GLB1: variants seen among roughly 807,000 people sequenced by gnomAD.
GLB1 encodes galactosidase beta 1.
Under a neutral mutation model 74.0 loss-of-function variants are expected in GLB1, and 56 were observed. That is an observed-to-expected ratio of 0.76 (90% CI 0.61 to 0.94). GLB1 has a LOEUF of 0.94. GLB1 is among the 40% of genes least tolerant of loss of function. The pLI is 0.00. For missense variants in GLB1, 787 were observed against 845.5 expected (o/e 0.93, Z 0.86); for synonymous variants, 323 against 323.6 (o/e 1.00, Z 0.02).
At chr3:33,033,350 G>A (rs1462945735) in intron 10 of GLB1, among the ~76,000 whole-genome samples, 1 of 152,176 alleles carries the variant, frequency 6.6e-6, no homozygotes, top group Non-Finnish European at 1.5e-5. Flanking sequence ...GTAATAAAAT[G>A]TGAAGCTTTT....
intron 1 of GLB1, among the ~76,000 whole-genome samples, chr3:33,082,508 C>T (rs753892065): frequency 1.3e-5 from 2 of 152,140 alleles, no homozygotes; most frequent in Non-Finnish European, 2.9e-5. Flanking sequence ...TCAAATTGCC[C>T]GTGAGCCTCT....
intron 1 of GLB1, among the ~76,000 whole-genome samples, chr3:33,088,368 T>TACACACACACACAC (rs55949952): frequency 2.1e-5 from 3 of 141,720 alleles, no homozygotes; most frequent in Admixed American, 7.0e-5. Context: ...CCCTAAAGAC[T>TACACACACACACAC]ACACACACAC....
At chr3:32,976,618 G>A in the GLB1 span, among the ~76,000 whole-genome samples, 7 of 152,122 alleles carry the variant, frequency 4.6e-5, no homozygotes, top group East Asian at 3.8e-4. Flanking sequence ...ACTCTTCTCC[G>A]GGAAGCTCCC....
At chr3:33,032,402 C>T (rs560471405) in intron 10 of GLB1, among the ~76,000 whole-genome samples, 122 of 152,232 alleles carry the variant, frequency 8.0e-4, no homozygotes, top group Non-Finnish European at 2.5e-4. Flanking sequence ...ACTTGCTTCC[C>T]CTGTCCCTGC....
chr3:32,994,495 A>G (rs1696272081), downstream of GLB1, among the ~76,000 whole-genome samples: 1 of 152,238 alleles, frequency 6.6e-6, no homozygotes, highest in South Asian at 2.1e-4. Context: ...AGAGAAATCA[A>G]GAATGACTGA....
intron 12 of GLB1, 26 bp downstream of exon 12, chr3:33,021,540 G>A (rs1697483959): frequency 1.2e-6 from 2 of 1,609,436 alleles, no homozygotes; most frequent in African/African-American, 2.7e-5. Context: ...TAGAAAAAAG[G>A]CGAGGCATTA....
At chr3:32,996,268 A>G (rs1027950980), downstream of GLB1, among the ~76,000 whole-genome samples, 10 of 152,240 alleles carry the variant, frequency 6.6e-5, no homozygotes, top group Admixed American at 1.3e-4. Context: ...GCACATACAC[A>G]GCACACACAC....
intron 12 of GLB1, 61 bp from the exon 13 acceptor site, chr3:33,018,622 T>C: frequency 6.4e-7 from 1 of 1,556,854 alleles, no homozygotes; most frequent in Non-Finnish European, 8.8e-7. Flanking sequence ...GAGAACTTGG[T>C]TACCCTAGAC....
chr3:33,091,058 T>A (rs768404814), intron 1 of GLB1: 9 of 985,054 alleles, frequency 9.1e-6, no homozygotes, highest in Non-Finnish European at 1.1e-5. Context: ...CATCAAACAG[T>A]GGAAGTGAAA....
intron 10 of GLB1, among the ~76,000 whole-genome samples, chr3:33,041,099 A>C (rs1290311681): frequency 6.6e-6 from 1 of 152,232 alleles, no homozygotes; most frequent in Non-Finnish European, 1.5e-5. Flanking sequence ...TGAAGACATA[A>C]TGGCATAAAC....
downstream of GLB1, among the ~76,000 whole-genome samples, chr3:32,993,644 C>T (rs13074199): frequency 0.22 from 33,204 of 150,620 alleles, 4,176 homozygotes; most frequent in Admixed American, 0.3. Context: ...AGGCAATTCC[C>T]CTGCCTCAGC....
chr3:33,048,412 C>T (rs1698831217), intron 9 of GLB1, among the ~76,000 whole-genome samples: 1 of 152,216 alleles, frequency 6.6e-6, no homozygotes, highest in Non-Finnish European at 1.5e-5. Context: ...AATGGTGAGA[C>T]TTTGCATTCA....
At chr3:33,088,616 C>T (rs938009320) in intron 1 of GLB1, among the ~76,000 whole-genome samples, 1 of 152,010 alleles carries the variant, frequency 6.6e-6, no homozygotes, top group African/African-American at 2.4e-5. Context: ...CTACAAAACA[C>T]TGTTAAAAAG....
At chr3:33,073,374 G>A (rs764647376) in intron 1 of GLB1, among the ~76,000 whole-genome samples, 1 of 152,134 alleles carries the variant, frequency 6.6e-6, no homozygotes, top group African/African-American at 2.4e-5. Context: ...CATTTTTGGT[G>A]GCAATAAGCA....
chr3:33,067,872 T>G (rs1465124118), intron 4 of GLB1, among the ~76,000 whole-genome samples: 2 of 152,054 alleles, frequency 1.3e-5, no homozygotes, highest in Non-Finnish European at 2.9e-5. Flanking sequence ...TGATATAAAT[T>G]GTTGAAGCTT....
intron 9 of GLB1, among the ~76,000 whole-genome samples, chr3:33,051,002 G>A (rs1259962478): frequency 6.6e-6 from 1 of 152,110 alleles, no homozygotes; most frequent in Non-Finnish European, 1.5e-5. Context: ...GCCAAGGCAG[G>A]TGGATCACGA....
intron 10 of GLB1, among the ~76,000 whole-genome samples, chr3:33,039,547 G>A (rs1481015961): frequency 6.6e-6 from 1 of 152,096 alleles, no homozygotes; most frequent in Non-Finnish European, 1.5e-5. Context: ...TAAACTAGAA[G>A]ATAGGTCAGA....
chr3:33,092,036 A>G, intron 1 of GLB1: 1 of 985,022 alleles, frequency 1.0e-6, no homozygotes, highest in Non-Finnish European at 1.2e-6. Context: ...AATAGGGAAA[A>G]GCAGCCTGTC....
At chr3:33,050,545 A>G (rs1698932835) in intron 9 of GLB1, among the ~76,000 whole-genome samples, 1 of 152,232 alleles carries the variant, frequency 6.6e-6, no homozygotes, top group South Asian at 2.1e-4. Flanking sequence ...ACAGGTGTAT[A>G]TATGTGGTTC....
Sources: allele counts gnomAD v4.1 joint callset (sites outside exome capture counted in the v4.1 genomes callset), GRCh38; gene constraint gnomAD v4.1.1; transcripts MANE v1.5; gene names NCBI Gene and HGNC (gene_info 2026-07-23, HGNC 2026-07-21).